Variants in ADIPOR2 observed in about 807,000 individuals in gnomAD.
ADIPOR2 encodes the protein adiponectin receptor 2, also known as adiponectin receptor protein 2.
In ADIPOR2, 18 loss-of-function variants were observed where a neutral mutation model predicts 40.9. The observed-to-expected ratio is 0.44, with a 90% CI of 0.30 to 0.65. ADIPOR2 has a LOEUF of 0.65. Among genes scored for constraint, ADIPOR2 ranks in the 30% least tolerant of loss-of-function variants. ADIPOR2 has a pLI of 0.09. For missense variants in ADIPOR2, 283 were observed against 479.2 expected (o/e 0.59, Z 3.82); for synonymous variants, 165 against 166.4 (o/e 0.99, Z 0.06).
chr12:1,729,413 G>A (rs1180146133), intron 1 of ADIPOR2, among the ~76,000 whole-genome samples: 1 of 151,722 alleles, frequency 6.6e-6, no homozygotes, highest in African/African-American at 2.4e-5. Context: ...GATAGCCATA[G>A]GAAGGGATAT....
At chr12:1,758,268 C>CT (rs1352601120) in intron 2 of ADIPOR2, among the ~76,000 whole-genome samples, 1 of 152,194 alleles carries the variant, frequency 6.6e-6, no homozygotes, top group Non-Finnish European at 1.5e-5. Context: ...GAAAGCCTCT[C>CT]TTTGATTTTC....
chr12:1,705,243 G>A (rs2094659738), intron 1 of ADIPOR2, among the ~76,000 whole-genome samples: 1 of 152,148 alleles, frequency 6.6e-6, no homozygotes, highest in Non-Finnish European at 1.5e-5. Flanking sequence ...TAGTACAGAT[G>A]ATTTATGGAA....
intron 1 of ADIPOR2, among the ~76,000 whole-genome samples, chr12:1,700,884 A>G (rs2094648777): frequency 6.6e-6 from 1 of 151,834 alleles, no homozygotes; most frequent in Non-Finnish European, 1.5e-5. Context: ...TAGGCTGCAG[A>G]TGTATGTTTT....
chr12:1,763,009 G>T (rs1166897242), intron 2 of ADIPOR2, among the ~76,000 whole-genome samples: 2 of 152,210 alleles, frequency 1.3e-5, no homozygotes, highest in African/African-American at 4.8e-5. Context: ...GTGATCCATT[G>T]TAGTTGTGGA....
intron 1 of ADIPOR2, among the ~76,000 whole-genome samples, chr12:1,714,129 CTCGTTGGACAA>C (rs1199857939): frequency 6.6e-6 from 1 of 152,082 alleles, no homozygotes. Flanking sequence ...CAGCTTGTTT[CTCGTTGGACAA>C]TCTTTTTTAA....
chr12:1,780,613 A>AG lies in ADIPOR2; in HGVS notation c.631dup (p.Val211GlyfsTer7). On this transcript the variant is annotated frameshift_variant, in exon 5 of 8. Coordinates refer to ENST00000357103, the MANE Select transcript of ADIPOR2 (RefSeq NM_024551.3). LOFTEE classifies it high-confidence loss of function. ...TTCCACACAGTCTACTGCCACTCAG[A>AG]GGGGGTCTCTCGGCTCTTCTCTAAG... 1 of 1,602,028 alleles carries AG rather than the reference A, an allele frequency of 6.2e-7. No individual in the cohort carries two copies. The highest frequency in any genetic ancestry group is 8.5e-7 in the Non-Finnish European group (1 of 1,176,430).
At chr12:1,778,160 A>G in intron 4 of ADIPOR2, 135 bp downstream of exon 4, 2 of 1,027,958 alleles carry the variant, frequency 1.9e-6, no homozygotes, top group African/African-American at 1.7e-5. Context: ...CTAATGATGA[A>G]TTTTCTGACT....
intron 1 of ADIPOR2, among the ~76,000 whole-genome samples, chr12:1,722,227 A>G (rs1394345522): frequency 6.6e-6 from 1 of 152,176 alleles, no homozygotes; most frequent in Non-Finnish European, 1.5e-5. Context: ...AATCAACAGG[A>G]CTTGCTGACT....
intron 2 of ADIPOR2, among the ~76,000 whole-genome samples, chr12:1,756,452 CTTTTTTTTTT>C (rs71055194): frequency 7.6e-6 from 1 of 132,414 alleles, no homozygotes; most frequent in African/African-American, 2.8e-5. Context: ...GCCTGGCCTT[CTTTTTTTTTT>C]TTTTTTTTTA....
intron 1 of ADIPOR2, among the ~76,000 whole-genome samples, chr12:1,706,371 T>G (rs549060328): frequency 6.6e-6 from 1 of 152,302 alleles, no homozygotes; most frequent in South Asian, 2.1e-4. Context: ...GCTTCTGAAG[T>G]AGGTCACAAG....
chr12:1,707,235 C>A (rs897049574), intron 1 of ADIPOR2, among the ~76,000 whole-genome samples: 1 of 152,114 alleles, frequency 6.6e-6, no homozygotes, highest in African/African-American at 2.4e-5. Context: ...CATTGATGTA[C>A]AAGTCTTTTT....
Position 1,787,447 on chromosome 12 carries a change from T to C in ADIPOR2, c.*1375T>C, listed in dbSNP as rs961990609. The C allele has an allele frequency of 1.3e-5, 2 of 152,200 alleles. No homozygotes were observed. Among genetic ancestry groups the C allele is most frequent in the South Asian group, 4.1e-4 (2 of 4,834 alleles). The allele number at this position is 152,200 out of a possible 1,614,324, so 9.4% of individuals were successfully genotyped here. On this transcript the variant is annotated 3_prime_UTR_variant, in exon 8 of 8. Coordinates refer to ENST00000357103, the MANE Select transcript of ADIPOR2 (RefSeq NM_024551.3). The stretch of plus-strand genomic sequence containing the variant: ...CCTCACTTTACAGGGATAAGAGTGG[T>C]GTGGCATTTTAAATACAATGGTATG...
chr12:1,693,768 A>G (rs774605437), intron 1 of ADIPOR2, among the ~76,000 whole-genome samples: 3 of 151,978 alleles, frequency 2.0e-5, no homozygotes, highest in Non-Finnish European at 4.4e-5. Flanking sequence ...CGAACTCCTC[A>G]TGTGATCCAC....
chr12:1,704,878 C>T (rs572892166), intron 1 of ADIPOR2, among the ~76,000 whole-genome samples: 1 of 151,956 alleles, frequency 6.6e-6, no homozygotes, highest in Non-Finnish European at 1.5e-5. Flanking sequence ...CAGAAGAAGG[C>T]CTTATGATTT....
chr12:1,783,084 C>T lies in ADIPOR2; in HGVS notation c.839-796C>T, dbSNP rs1309907172. 2.7e-5 allele frequency among the ~76,000 whole-genome samples: 4 copies of T among 148,846 alleles called. No individual in the cohort carries two copies. In the East Asian group the frequency reaches 8.0e-4, roughly 30 times the overall value. On this transcript the variant is annotated intron_variant, in intron 6 of 7. Coordinates refer to ENST00000357103, the MANE Select transcript of ADIPOR2 (RefSeq NM_024551.3). The stretch of plus-strand genomic sequence containing the variant: ...CTGACCTCAAGTGATCTGCCTGCCT[C>T]GGCCTCCCAAAGTGCTGGGATTACA...
chr12:1,739,292 T>C (rs1305621502), intron 1 of ADIPOR2, among the ~76,000 whole-genome samples: 1 of 152,222 alleles, frequency 6.6e-6, no homozygotes, highest in Non-Finnish European at 1.5e-5. Context: ...TAGTAGTAGT[T>C]ACACAGGTAG....
intron 4 of ADIPOR2, chr12:1,778,665 G>A (rs1014193320): frequency 2.0e-5 from 3 of 152,092 alleles, no homozygotes; most frequent in African/African-American, 7.2e-5. Context: ...TCTGAGAATT[G>A]CCACCAAAGA....
At chr12:1,699,990 C>T (rs2094647029) in intron 1 of ADIPOR2, among the ~76,000 whole-genome samples, 2 of 152,086 alleles carry the variant, frequency 1.3e-5, no homozygotes, top group Admixed American at 6.5e-5. Context: ...CTGAGAATTG[C>T]CAGATTATCT....
intron 1 of ADIPOR2, among the ~76,000 whole-genome samples, chr12:1,739,553 A>T (rs902584001): frequency 2.0e-5 from 3 of 152,254 alleles, no homozygotes; most frequent in African/African-American, 7.2e-5. Context: ...TGGAAATCTC[A>T]GTGTTAATAA....
Sources: allele counts gnomAD v4.1 joint callset (sites outside exome capture counted in the v4.1 genomes callset), GRCh38; gene constraint gnomAD v4.1.1; transcripts MANE v1.5; gene names NCBI Gene and HGNC (gene_info 2026-07-23, HGNC 2026-07-21).